Variants in CBX1 observed in about 807,000 individuals in gnomAD.
CBX1 encodes chromobox protein homolog 1.
In CBX1, 10 loss-of-function variants were observed where a neutral mutation model predicts 25.1. That is an observed-to-expected ratio of 0.40 (90% CI 0.25 to 0.68). CBX1 has a LOEUF of 0.68. Among genes scored for constraint, CBX1 ranks in the 30% least tolerant of loss-of-function variants. CBX1 has a pLI of 0.40. For synonymous variants in CBX1, 63 were observed against 79.4 expected, an observed-to-expected ratio of 0.79 and a Z score of 1.10; for missense variants, 106 against 218.5, an observed-to-expected ratio of 0.49 and a Z score of 3.25.
intron 1 of CBX1, among the ~76,000 whole-genome samples, chr17:48,086,366 A>G (rs536448512): frequency 6.6e-6 from 1 of 152,366 alleles, no homozygotes; most frequent in South Asian, 2.1e-4. Flanking sequence ...GAAGGCTTCA[A>G]GAAGCCAGTA....
At chr17:48,077,707 C>T (rs72825512) in intron 1 of CBX1, among the ~76,000 whole-genome samples, 21,294 of 151,996 alleles carry the variant, frequency 0.14, 2,059 homozygotes, top group Non-Finnish European at 0.21. Flanking sequence ...TAGGGCCAGG[C>T]GTGCAGGCTC....
At chr17:48,074,731 A>T (rs143839409) in intron 4 of CBX1, among the ~76,000 whole-genome samples, 493 of 152,184 alleles carry the variant, frequency 3.2e-3, no homozygotes, top group Non-Finnish European at 5.4e-3. Context: ...TTATTTACAG[A>T]AGTGAAATGT....
intron 1 of CBX1, among the ~76,000 whole-genome samples, chr17:48,099,010 G>A (rs796705494): frequency 1.3e-5 from 2 of 152,184 alleles, no homozygotes; most frequent in East Asian, 3.8e-4. Flanking sequence ...CCTGTATTCA[G>A]AAATGCAGAA....
At chr17:48,075,339 C>T (rs1311904007) in intron 3 of CBX1, among the ~76,000 whole-genome samples, 1 of 148,032 alleles carries the variant, frequency 6.8e-6, no homozygotes, top group Non-Finnish European at 1.5e-5. Flanking sequence ...GGACCACAGG[C>T]ACATGCCACC....
Position 48,101,383 on chromosome 17 carries a change from C to T in CBX1, c.-153G>A. The T allele has an allele frequency of 8.1e-6, 8 of 985,744 alleles. No individual in the cohort carries two copies. Among genetic ancestry groups the T allele is most frequent in the Non-Finnish European group, 9.6e-6 (8 of 830,100 alleles). 61.1% of individuals were successfully genotyped at this position (985,744 alleles called of 1,614,324 possible). A position where few individuals can be genotyped will look rare whatever the true frequency, so the allele number is the denominator to read the frequency against. On this transcript the variant is annotated 5_prime_UTR_variant, in exon 1 of 5. Transcript: ENST00000225603. ...GCAGCAAGCCGGGTGGCCGCAGTGG[C>T]GTCCCTCACTGAAGCGGCGTACCGC...
intron 1 of CBX1, among the ~76,000 whole-genome samples, chr17:48,078,617 G>A (rs1344333090): frequency 6.6e-6 from 1 of 151,290 alleles, no homozygotes; most frequent in Non-Finnish European, 1.5e-5. Flanking sequence ...CACCTCCCGA[G>A]TAGTTGGTTT....
At position 48,074,993 on chromosome 17, in the gene CBX1, C is replaced by A. The variant is rs191768236; in HGVS notation, c.413+13G>T. The stretch of plus-strand genomic sequence containing the variant: ...GAAAAAAAACAACCACACAGAGCCA[C>A]TGGCCGACTCACCATTTCATCAGGA... On this transcript the variant is annotated intron_variant, in intron 4 of 4. Coordinates refer to ENST00000225603, the MANE Select transcript of CBX1 (RefSeq NM_001127228.2). 137 of 1,589,672 alleles carry A rather than the reference C, an allele frequency of 8.6e-5. No individual in the cohort carries two copies. Among genetic ancestry groups the A allele is most frequent in the Non-Finnish European group, 1.1e-4 (131 of 1,157,796 alleles).
At chr17:48,091,529 C>A (rs958090308) in intron 1 of CBX1, among the ~76,000 whole-genome samples, 6 of 146,668 alleles carry the variant, frequency 4.1e-5, no homozygotes, top group African/African-American at 1.5e-4. Flanking sequence ...TGCCCGCCAC[C>A]ATGCCCTTTT....
intron 1 of CBX1, among the ~76,000 whole-genome samples, chr17:48,083,174 A>T (rs1009998786): frequency 1.4e-5 from 2 of 146,824 alleles, no homozygotes; most frequent in Non-Finnish European, 3.0e-5. Context: ...CCTAATTTTT[A>T]TTTATTTATT....
At chr17:48,076,583 A>ATACCTTGAGCCTGGGAGGT (rs2037676607) in intron 2 of CBX1, among the ~76,000 whole-genome samples, 1 of 152,122 alleles carries the variant, frequency 6.6e-6, no homozygotes, top group South Asian at 2.1e-4. Context: ...AGGTGGGAGG[A>ATACCTTGAGCCTGGGAGGT]TACCTTGAGC....
At chr17:48,096,441 G>A (rs2063375323) in intron 1 of CBX1, 1 of 899,898 alleles carries the variant, frequency 1.1e-6, no homozygotes, top group Non-Finnish European at 1.3e-6. Flanking sequence ...TGGTTAGAAA[G>A]CTAGACCAGA....
intron 1 of CBX1, chr17:48,096,284 A>C (rs1308189689): frequency 1.0e-5 from 9 of 893,360 alleles, no homozygotes; most frequent in Non-Finnish European, 1.2e-5. Context: ...ATGTGTTCTG[A>C]AACTTGGAAA....
chr17:48,091,981 ATCTT>A (rs1205763775), intron 1 of CBX1, among the ~76,000 whole-genome samples: 4 of 112,130 alleles, frequency 3.6e-5, no homozygotes, highest in Non-Finnish European at 6.9e-5. Context: ...GCCCAGCCAG[ATCTT>A]TTTTTTTTTT....
chr17:48,094,494 AG>A (rs1208036153), intron 1 of CBX1, among the ~76,000 whole-genome samples: 2 of 151,114 alleles, frequency 1.3e-5, no homozygotes, highest in African/African-American at 2.4e-5. Context: ...GCACTTTGGG[AG>A]GCCGAGGTGG....
intron 1 of CBX1, among the ~76,000 whole-genome samples, chr17:48,092,325 A>T (rs573142338): frequency 1.0e-3 from 154 of 152,006 alleles, no homozygotes; most frequent in Non-Finnish European, 1.6e-3. Flanking sequence ...TATTAAAAAA[A>T]AAATAAAATT....
At chr17:48,098,058 T>C (rs775869762) in intron 1 of CBX1, among the ~76,000 whole-genome samples, 9 of 152,122 alleles carry the variant, frequency 5.9e-5, no homozygotes, top group Non-Finnish European at 1.3e-4. Context: ...AGTACAAAAC[T>C]GAAGCTAACC....
chr17:48,084,637 A>G (rs1030602717), intron 1 of CBX1, among the ~76,000 whole-genome samples: 19 of 146,712 alleles, frequency 1.3e-4, no homozygotes, highest in African/African-American at 4.6e-4. Flanking sequence ...CCGGCCGGGC[A>G]TGGTGGCTCA....
At chr17:48,077,449 T>TG (rs1286093746) in intron 1 of CBX1, among the ~76,000 whole-genome samples, 3 of 116,368 alleles carry the variant, frequency 2.6e-5, no homozygotes, top group Admixed American at 1.7e-4. Context: ...TTTTTTGTTT[T>TG]TTTTGTTTTT....
intron 1 of CBX1, among the ~76,000 whole-genome samples, chr17:48,077,361 G>A (rs983652663): frequency 2.0e-5 from 3 of 150,680 alleles, no homozygotes; most frequent in Non-Finnish European, 4.4e-5. Context: ...GGGTTCAAGC[G>A]ATTCTCCTGC....
Sources: allele counts gnomAD v4.1 joint callset (sites outside exome capture counted in the v4.1 genomes callset), GRCh38; gene constraint gnomAD v4.1.1; transcripts MANE v1.5; gene names NCBI Gene and HGNC (gene_info 2026-07-23, HGNC 2026-07-21).